The following ZNF71 variants were observed in gnomAD, a reference collection of about 807,000 sequenced individuals.
ZNF71 encodes zinc finger protein 71.
A neutral mutation model predicts 6.7 loss-of-function variants in ZNF71; 3 were observed. The observed-to-expected ratio is 0.45, with a 90% CI of 0.20 to 1.16. The LOEUF is 1.16. Among genes scored for constraint, ZNF71 ranks in the 50% most tolerant of loss-of-function variants. The pLI is 0.25. For missense variants in ZNF71, 688 were observed against 728.6 expected (o/e 0.94, Z 0.64); for synonymous variants, 343 against 311.1 (o/e 1.10, Z -1.08).
In ZNF71 at chr19:56,624,382, T is replaced by G. The variant is rs1453456376; in HGVS notation, c.*1625T>G. The G allele has an allele frequency of 6.6e-6, 1 of 152,228 alleles. No homozygotes were observed. Among genetic ancestry groups the G allele is most frequent in the Non-Finnish European group, 1.5e-5 (1 of 68,054 alleles). The allele number at this position is 152,228 out of a possible 1,614,324, so 9.4% of individuals were successfully genotyped here. A position where few individuals can be genotyped will look rare whatever the true frequency, so the allele number is the denominator to read the frequency against. On this transcript the variant is annotated 3_prime_UTR_variant, in exon 4 of 4. Coordinates refer to ENST00000599599, the MANE Select transcript of ZNF71 (RefSeq NM_001370215.1). ...ATACTTCTTAACATCATCCTCAGGCTGGCTTCCCACGTGGGATTGTGGTGG... is the reference window on the plus strand; with the variant it reads ...ATACTTCTTAACATCATCCTCAGGCGGGCTTCCCACGTGGGATTGTGGTGG...
At position 56,598,299 on chromosome 19, in the gene ZNF71, A is replaced by G. The variant is rs73934485; in HGVS notation, c.-53+2871A>G. On this transcript the variant is annotated intron_variant, in intron 1 of 3. Coordinates refer to ENST00000599599, the MANE Select transcript of ZNF71 (RefSeq NM_001370215.1). This position sits in a 1 kb window ranked among gnomAD's most constrained non-coding sequence, Gnocchi z 4.2. ...GGGAACAGCAGATGCAGAGGCCAGG[A>G]GGCCTGGGGCCAAGCATGGGAGAGG... is the stretch of plus-strand genomic sequence containing the variant. Among the ~76,000 whole-genome samples the G allele has an allele frequency of 0.19, 28,472 of 151,822 alleles. 3,604 individuals are homozygous for G. Among genetic ancestry groups the G allele is most frequent in the East Asian group, 0.32 (1,630 of 5,056 alleles).
chr19:56,596,669 C>A (rs1431540675), intron 1 of ZNF71, among the ~76,000 whole-genome samples: 3 of 152,136 alleles, frequency 2.0e-5, no homozygotes, highest in Non-Finnish European at 4.4e-5. Context: ...ATAGATGTCC[C>A]AGTAACTCTG....
chr19:56,618,464 A>C lies in ZNF71; in HGVS notation c.161-2804A>C, dbSNP rs1261494404. Among the ~76,000 whole-genome samples, 1 of 152,130 alleles carries C rather than the reference A, an allele frequency of 6.6e-6. No individual in the cohort carries two copies. Among genetic ancestry groups the C allele is most frequent in the Non-Finnish European group, 1.5e-5 (1 of 68,018 alleles). ...AGGCTGTGTGAGGAGCTGGGGGGTGAGCAAGGCCCTTGCCTCTAGTGGAGC... is the reference window on the plus strand; with the variant it reads ...AGGCTGTGTGAGGAGCTGGGGGGTGCGCAAGGCCCTTGCCTCTAGTGGAGC... On this transcript the variant is annotated intron_variant, in intron 3 of 3. Transcript: ENST00000599599. The surrounding 1 kb of genome is among the most constrained non-coding windows in gnomAD (Gnocchi z 4.6).
chr19:56,595,853 T>TTTGTGTG (rs2044617325), intron 1 of ZNF71, among the ~76,000 whole-genome samples: 3 of 137,502 alleles, frequency 2.2e-5, no homozygotes, highest in African/African-American at 5.5e-5. Context: ...GTGTGTGTGT[T>TTTGTGTG]TGTGTGTGTG....
chr19:56,601,656 C>G (rs1167127800), intron 2 of ZNF71, 65 bp downstream of exon 2: 1 of 966,902 alleles, frequency 1.0e-6, no homozygotes, highest in African/African-American at 1.8e-5. Context: ...TGAGCCTCTG[C>G]TGCTCGAACC....
Position 56,613,983 on chromosome 19 carries a change from TC to T in ZNF71, c.160+46del, listed in dbSNP as rs1369600753. 2 of 1,060,908 alleles carry T rather than the reference TC, an allele frequency of 1.9e-6. No homozygotes were observed. Among genetic ancestry groups the T allele is most frequent in the African/African-American group, 3.4e-5 (2 of 58,614 alleles). 65.7% of individuals were successfully genotyped at this position (1,060,908 alleles called of 1,614,324 possible). Reference sequence around the variant, plus strand: ...AGTTACTCATCATTGGCCCATAACTTCAGGACCACAAATAAATTAAAAAAAA... The same window carrying T: ...AGTTACTCATCATTGGCCCATAACTTAGGACCACAAATAAATTAAAAAAAA... On this transcript the variant is annotated intron_variant, in intron 3 of 3. Transcript: ENST00000599599. The surrounding 1 kb of genome is among the most constrained non-coding windows in gnomAD (Gnocchi z 4.6).
In ZNF71 at chr19:56,622,334, C is replaced by A; in HGVS notation, c.1227C>A (p.Ile409=). The A allele has an allele frequency of 3.1e-6, 5 of 1,612,034 alleles. No individual in the cohort carries two copies. The highest frequency in any genetic ancestry group is 4.2e-6 in the Non-Finnish European group (5 of 1,179,132). The part of the protein sequence containing the change: ...SYLIQHQRFH[I]GVKPFECSEC... ...TCATCCAGCACCAGCGCTTCCACATCGGCGTGAAGCCGTTCGAGTGCAGCG... is the reference window on the plus strand; with the variant it reads ...TCATCCAGCACCAGCGCTTCCACATAGGCGTGAAGCCGTTCGAGTGCAGCG... Residue 409 remains isoleucine, a synonymous_variant, in exon 4 of 4, where the codon ATC becomes ATA. Coordinates refer to ENST00000599599, the MANE Select transcript of ZNF71 (RefSeq NM_001370215.1).
chr19:56,595,839 TTGTGTGTGTGTGTTTGTGTGTGTG>T (rs2044616486), intron 1 of ZNF71, among the ~76,000 whole-genome samples: 1 of 108,232 alleles, frequency 9.2e-6, no homozygotes, highest in African/African-American at 3.5e-5. Flanking sequence ...GATATTGTGA[TTGTGTGTGTGTGTTTGTGTGTGTG>T]TGTGTGTGTG....
Position 56,622,161 on chromosome 19 carries a change from C to T in ZNF71, c.1054C>T (p.His352Tyr), listed in dbSNP as rs202008254. Residue 352 changes from histidine (H) to tyrosine (Y), a missense_variant, in exon 4 of 4, where the codon CAC becomes TAC. His to Tyr is a moderately conservative substitution (Grantham distance 83). Coordinates refer to ENST00000599599, the MANE Select transcript of ZNF71 (RefSeq NM_001370215.1). ...NMHLTEHQRT[H>Y]TGEKPYACKE... Reference sequence around the variant, plus strand: ...GCACCTGACCGAGCACCAGCGCACGCACACCGGGGAGAAGCCGTACGCCTG... The same window carrying T: ...GCACCTGACCGAGCACCAGCGCACGTACACCGGGGAGAAGCCGTACGCCTG... 43 of 1,613,836 alleles carry T rather than the reference C, an allele frequency of 2.7e-5. No individual in the cohort carries two copies. The East Asian group carries it at 8.9e-4, about 33-fold the overall frequency.
rs1165504672 is a variant in ZNF71 at position 56,603,401 on chromosome 19, T to A, written c.33+1810T>A. Among the ~76,000 whole-genome samples, 2 of 152,260 alleles carry A rather than the reference T, an allele frequency of 1.3e-5. No individual in the cohort carries two copies. The highest frequency in any genetic ancestry group is 2.4e-5 in the African/African-American group (1 of 41,474). On this transcript the variant is annotated intron_variant, in intron 2 of 3. Transcript: ENST00000599599. The surrounding 1 kb of genome is among the most constrained non-coding windows in gnomAD (Gnocchi z 4.6). ...ACCATGTGGTAGCACATATAGAGCT[T>A]CATTCCTTTTTTTGACTGAATAATA...
intron 3 of ZNF71, among the ~76,000 whole-genome samples, chr19:56,620,902 G>A (rs1442004482): frequency 2.0e-5 from 3 of 149,720 alleles, no homozygotes; most frequent in Non-Finnish European, 2.9e-5. Context: ...AAGTGAGGAG[G>A]CCCTGCAAGT....
chr19:56,600,863 C>T (rs1401310014), intron 1 of ZNF71, among the ~76,000 whole-genome samples: 2 of 152,080 alleles, frequency 1.3e-5, no homozygotes, highest in South Asian at 2.1e-4. Context: ...TTTCTCTAGG[C>T]GAATCTGGCT....
intron 2 of ZNF71, among the ~76,000 whole-genome samples, chr19:56,602,388 C>T (rs73618939): frequency 0.057 from 8,696 of 152,214 alleles, 791 homozygotes; most frequent in African/African-American, 0.19. Flanking sequence ...ACATCAGTTA[C>T]GGCGGTATGT....
At chr19:56,621,121 C>G in intron 3 of ZNF71, 147 bp from the exon 4 acceptor site, 1 of 778,056 alleles carries the variant, frequency 1.3e-6, no homozygotes, top group South Asian at 2.6e-5. Flanking sequence ...CCCTCCCTCT[C>G]TGATCCAAGG....
intron 1 of ZNF71, among the ~76,000 whole-genome samples, chr19:56,601,008 C>T (rs2044666838): frequency 6.6e-6 from 1 of 152,098 alleles, no homozygotes; most frequent in South Asian, 2.1e-4. Flanking sequence ...CTCAGTCCAG[C>T]ACTCACACTC....
chr19:56,621,757 C>T lies in ZNF71; in HGVS notation c.650C>T (p.Pro217Leu). Reference sequence around the variant, plus strand: ...CAAAGGATCCACACGGGAGAAAAGCCGTTTGAGTGTGACACCTGTGGGAAG... The same window carrying T: ...CAAAGGATCCACACGGGAGAAAAGCTGTTTGAGTGTGACACCTGTGGGAAG... ...KHQRIHTGEK[P>L]FECDTCGKHF... Residue 217 changes from proline to leucine, a missense_variant, in exon 4 of 4, where the codon CCG becomes CTG. Coordinates refer to ENST00000599599, the MANE Select transcript of ZNF71 (RefSeq NM_001370215.1). 6.2e-7 allele frequency: 1 copy of T among 1,614,084 alleles called. No homozygotes were observed. The highest frequency in any genetic ancestry group is 8.5e-7 in the Non-Finnish European group (1 of 1,180,040).
Position 56,623,021 on chromosome 19 carries a change from C to T in ZNF71, c.*264C>T, listed in dbSNP as rs1055569056. The T allele has an allele frequency of 1.7e-5, 9 of 538,754 alleles. No individual in the cohort carries two copies. The highest frequency in any genetic ancestry group is 2.4e-5 in the Non-Finnish European group (7 of 297,710). 33.4% of individuals were successfully genotyped at this position (538,754 alleles called of 1,614,324 possible). A position where few individuals can be genotyped will look rare whatever the true frequency, so the allele number is the denominator to read the frequency against. ...CTGAGCCATGGCCGCTGGTAACAGA[C>T]ATCAGGGTTCCAGACTAGCCCTCTT... On this transcript the variant is annotated 3_prime_UTR_variant, in exon 4 of 4. Transcript: ENST00000599599.
chr19:56,604,465 C>T (rs73618943), intron 2 of ZNF71, among the ~76,000 whole-genome samples: 12,424 of 152,134 alleles, frequency 0.082, 1,618 homozygotes, highest in African/African-American at 0.27. Flanking sequence ...TAGCAAGAGT[C>T]GACATTTACT....
rs2044875645 is a variant in ZNF71 at position 56,622,840 on chromosome 19, G to A, written c.*83G>A. ...CGCTTTGTCAGCAGTGCTGTGAGAA[G>A]TTCTCCCCTGGGGTGGGGACTCGGG... On this transcript the variant is annotated 3_prime_UTR_variant, in exon 4 of 4. Coordinates refer to ENST00000599599, the MANE Select transcript of ZNF71 (RefSeq NM_001370215.1). The A allele has an allele frequency of 1.1e-5, 17 of 1,512,502 alleles. 1 individual carries two copies. In the South Asian group the frequency reaches 2.2e-4, roughly 20 times the overall value. The allele number at this position is 1,512,502 out of a possible 1,614,324, so 93.7% of individuals were successfully genotyped here.
Sources: allele counts gnomAD v4.1 joint callset (sites outside exome capture counted in the v4.1 genomes callset), GRCh38; gene constraint gnomAD v4.1.1; non-coding constraint Gnocchi (gnomAD v3.1); transcripts MANE v1.5; gene names NCBI Gene and HGNC (gene_info 2026-07-23, HGNC 2026-07-21).